The following EPHX4 variants were observed in gnomAD, a reference collection of about 807,000 sequenced individuals.
EPHX4 encodes epoxide hydrolase 4.
EPHX4 carries 31 observed loss-of-function variants against 44.9 expected under a neutral mutation model. The observed-to-expected ratio is 0.69, with a 90% CI of 0.52 to 0.93. EPHX4 has a LOEUF of 0.93. Among genes scored for constraint, EPHX4 ranks in the 40% least tolerant of loss-of-function variants. The pLI is 0.00. For missense variants in EPHX4, 373 were observed against 438.1 expected, an observed-to-expected ratio of 0.85 and a Z score of 1.33; for synonymous variants, 151 against 159.7, an observed-to-expected ratio of 0.95 and a Z score of 0.41.
In EPHX4 at chr1:92,063,131, G is replaced by A. The variant is rs1243482136; in HGVS notation, c.934G>A (p.Val312Ile). The A allele has an allele frequency of 1.9e-6, 3 of 1,614,134 alleles. No individual in the cohort carries two copies. The highest frequency in any genetic ancestry group is 3.3e-5 in the Admixed American group (2 of 60,024). Reference sequence around the variant, plus strand: ...GGGAGAGAATGACGCATTCATGGAGGTTGAGATGGCTGAAGTCACAAAGAT... The same window carrying A: ...GGGAGAGAATGACGCATTCATGGAGATTGAGATGGCTGAAGTCACAAAGAT... ...LWGENDAFMEVEMAEVTKIYV... is the reference protein window; with the variant it reads ...LWGENDAFMEIEMAEVTKIYV... The change falls in exon 7 of 7, where the codon GTT (valine) becomes ATT (isoleucine). Residue 312 changes from valine to isoleucine, a missense_variant. Val to Ile is a conservative substitution (Grantham distance 29, BLOSUM62 3). Coordinates refer to ENST00000370383, the MANE Select transcript of EPHX4 (RefSeq NM_173567.5).
At chr1:92,041,354 T>A (rs1688505081) in intron 2 of EPHX4, among the ~76,000 whole-genome samples, 1 of 152,236 alleles carries the variant, frequency 6.6e-6, no homozygotes, top group South Asian at 2.1e-4. Flanking sequence ...ATTAGATTAT[T>A]TCAGTGATAA....
At chr1:92,033,153 A>G (rs912854199) in intron 2 of EPHX4, among the ~76,000 whole-genome samples, 3 of 150,812 alleles carry the variant, frequency 2.0e-5, no homozygotes, top group African/African-American at 7.3e-5. Flanking sequence ...GAGATCAAGC[A>G]ATCCTCCCAC....
At chr1:92,062,052 TA>T (rs1215984403) in intron 6 of EPHX4, among the ~76,000 whole-genome samples, 2 of 151,736 alleles carry the variant, frequency 1.3e-5, no homozygotes, top group African/African-American at 4.8e-5. Context: ...AAATTAATTT[TA>T]AAAACATATA....
intron 5 of EPHX4, among the ~76,000 whole-genome samples, 159 bp downstream of exon 5, chr1:92,050,579 T>C (rs1412147231): frequency 3.3e-5 from 5 of 152,232 alleles, no homozygotes; most frequent in African/African-American, 7.2e-5. Flanking sequence ...TTTCATAGTC[T>C]CTGTTTATGT....
chr1:92,058,208 G>A (rs1031436864), intron 6 of EPHX4, among the ~76,000 whole-genome samples: 7 of 152,092 alleles, frequency 4.6e-5, no homozygotes, highest in Admixed American at 2.6e-4. Context: ...TTGGAAGGCC[G>A]AGGTGGGTGG....
At chr1:92,059,334 G>A (rs1466350678) in intron 6 of EPHX4, among the ~76,000 whole-genome samples, 1 of 152,102 alleles carries the variant, frequency 6.6e-6, no homozygotes, top group Non-Finnish European at 1.5e-5. Flanking sequence ...CTATTCTGGA[G>A]GTCGAGGCAT....
chr1:92,056,645 C>CT (rs769254066), intron 6 of EPHX4, among the ~76,000 whole-genome samples: 4,547 of 138,002 alleles, frequency 0.033, 67 homozygotes, highest in Non-Finnish European at 0.038. Context: ...ACATTCTTTT[C>CT]TTTTTTTTTT....
chr1:92,052,075 G>A (rs1372263928), intron 5 of EPHX4, among the ~76,000 whole-genome samples: 1 of 152,124 alleles, frequency 6.6e-6, no homozygotes, highest in African/African-American at 2.4e-5. Context: ...TCCCACAATA[G>A]GCATCAAATG....
At chr1:92,040,868 T>G (rs1258750282) in intron 2 of EPHX4, among the ~76,000 whole-genome samples, 1 of 152,090 alleles carries the variant, frequency 6.6e-6, no homozygotes, top group Non-Finnish European at 1.5e-5. Context: ...ATCTTAACAT[T>G]CAGTTGCGTT....
Position 92,063,448 on chromosome 1 carries a change from G to T in EPHX4, c.*162G>T, listed in dbSNP as rs934182793. On this transcript the variant is annotated 3_prime_UTR_variant, in exon 7 of 7. Coordinates refer to ENST00000370383, the MANE Select transcript of EPHX4 (RefSeq NM_173567.5). ...GGTATTGAAAAAAATCTGAGATCAT[G>T]TGAACATATAATACAATGTTGATTT... 8.3e-5 allele frequency: 47 copies of T among 567,754 alleles called. No individual in the cohort carries two copies. The African/African-American group carries it at 8.6e-4, about 10-fold the overall frequency. The allele number at this position is 567,754 out of a possible 1,614,324, so 35.2% of individuals were successfully genotyped here.
chr1:92,053,942 C>T (rs1027313498), intron 6 of EPHX4, among the ~76,000 whole-genome samples: 13 of 151,906 alleles, frequency 8.6e-5, no homozygotes, highest in African/African-American at 1.9e-4. Context: ...GAGTCACTGA[C>T]GTAGAGACAA....
At chr1:92,037,112 A>G (rs1460256616) in intron 2 of EPHX4, among the ~76,000 whole-genome samples, 1 of 152,234 alleles carries the variant, frequency 6.6e-6, no homozygotes, top group Non-Finnish European at 1.5e-5. Context: ...ACAAATGTAA[A>G]TGTTATTCCT....
intron 3 of EPHX4, among the ~76,000 whole-genome samples, chr1:92,044,817 C>A (rs541706447): frequency 6.6e-6 from 1 of 150,508 alleles, no homozygotes; most frequent in African/African-American, 2.4e-5. Context: ...TCTGAGCATT[C>A]AAAAAAAAAC....
intron 1 of EPHX4, among the ~76,000 whole-genome samples, chr1:92,031,012 G>A (rs1438371904): frequency 6.6e-6 from 1 of 152,130 alleles, no homozygotes; most frequent in African/African-American, 2.4e-5. Flanking sequence ...AAGGGAAATA[G>A]TTCCCGTGAT....
At chr1:92,032,418 T>A in intron 1 of EPHX4, 87 bp from the exon 2 acceptor site, 1 of 1,001,164 alleles carries the variant, frequency 1.0e-6, no homozygotes, top group Non-Finnish European at 1.6e-6. Context: ...GGCAAGTTAC[T>A]ATTTTTTTAA....
chr1:92,033,997 CTT>C (rs36075635), intron 2 of EPHX4, among the ~76,000 whole-genome samples: 8 of 109,132 alleles, frequency 7.3e-5, no homozygotes, highest in East Asian at 5.2e-4. Flanking sequence ...CATGTTTAAA[CTT>C]TTTTTTTTTT....
At position 92,042,986 on chromosome 1, in the gene EPHX4, T is replaced by A; in HGVS notation, c.475+6T>A. The A allele has an allele frequency of 6.3e-7, 1 of 1,585,732 alleles. No individual in the cohort carries two copies. The highest frequency in any genetic ancestry group is 8.6e-7 in the Non-Finnish European group (1 of 1,164,248). On this transcript the variant is annotated splice_donor_region_variant and intron_variant, in intron 3 of 6. Coordinates refer to ENST00000370383, the MANE Select transcript of EPHX4 (RefSeq NM_173567.5). ...GGATATTTTAGATTCTTTAGGTAGGTTAGTTTGAAACAAAACAACTCTTTT... is the reference window on the plus strand; with the variant it reads ...GGATATTTTAGATTCTTTAGGTAGGATAGTTTGAAACAAAACAACTCTTTT...
In EPHX4 at chr1:92,049,919, G is replaced by A. The variant is rs140213381; in HGVS notation, c.605-398G>A. ...TCGAAACCAGCCTGGCCAACATGGC[G>A]AAACTCTGCCTCTACTAAAAATACA... On this transcript the variant is annotated intron_variant, in intron 4 of 6. Transcript: ENST00000370383. Among the ~76,000 whole-genome samples, 522 of 152,072 alleles carry A rather than the reference G, an allele frequency of 3.4e-3. 2 individuals are homozygous for A. The highest frequency in any genetic ancestry group is 0.012 in the African/African-American group (495 of 41,486).
rs550444110 is a variant in EPHX4 at position 92,030,107 on chromosome 1, C to A, written c.28C>A (p.Arg10Ser). The A allele has an allele frequency of 2.5e-6, 4 of 1,607,324 alleles. No homozygotes were observed. In the Admixed American group the frequency reaches 5.0e-5, roughly 20 times the overall value. Residue 10 changes from arginine to serine, a missense_variant, in exon 1 of 7, where the codon CGC becomes AGC. Physicochemically the swap from Arg to Ser is moderately radical, Grantham distance 110. Coordinates refer to ENST00000370383, the MANE Select transcript of EPHX4 (RefSeq NM_173567.5). MARLRDCLPRLMLTLRSLLF... is the reference protein window; with the variant it reads MARLRDCLPSLMLTLRSLLF... The stretch of plus-strand genomic sequence containing the variant: ...GGCGAGGCTGCGGGATTGCCTGCCC[C>A]GCCTGATGCTCACGCTCCGGTCCCT...
Sources: allele counts gnomAD v4.1 joint callset (sites outside exome capture counted in the v4.1 genomes callset), GRCh38; gene constraint gnomAD v4.1.1; transcripts MANE v1.5; gene names NCBI Gene and HGNC (gene_info 2026-07-23, HGNC 2026-07-21).